Variants in CAPN2 observed in about 807,000 individuals in gnomAD.
CAPN2 encodes calpain-2 catalytic subunit.
In CAPN2, 92 loss-of-function variants were observed where a neutral mutation model predicts 102.3. The observed-to-expected ratio is 0.90, with a 90% CI of 0.76 to 1.07. CAPN2 has a LOEUF of 1.07. CAPN2 is among the 50% of genes least tolerant of loss of function. CAPN2 has a pLI of 0.00. For missense variants in CAPN2, 800 were observed against 909.4 expected (o/e 0.88, Z 1.55); for synonymous variants, 340 against 355.4 (o/e 0.96, Z 0.49).
At chr1:223,719,831 T>TGTGTGTGTGTGTGTGCGC (rs1491465648) in intron 2 of CAPN2, among the ~76,000 whole-genome samples, 1 of 96,690 alleles carries the variant, frequency 1.0e-5, no homozygotes, top group South Asian at 3.6e-4. Flanking sequence ...TGTGTGTGTG[T>TGTGTGTGTGTGTGTGCGC]GCGCGCGCGC....
At chr1:223,774,685 G>T in intron 20 of CAPN2, 149 bp from the exon 21 acceptor site, 1 of 676,118 alleles carries the variant, frequency 1.5e-6, no homozygotes. Flanking sequence ...CTAGAAATCA[G>T]GTAAGAAAAA....
chr1:223,771,550 A>C (rs1661470334), intron 18 of CAPN2: 1 of 423,786 alleles, frequency 2.4e-6, no homozygotes, highest in Non-Finnish European at 4.2e-6. Context: ...AACTGTGACC[A>C]TGAGAACAGA....
rs60366533 is a variant in CAPN2 at position 223,746,475 on chromosome 1, C to CTTTTTTTTTTTTTTTTT, written c.561-517_561-501dup. Among the ~76,000 whole-genome samples, 10 of 108,462 alleles carry CTTTTTTTTTTTTTTTTT rather than the reference C, an allele frequency of 9.2e-5. 1 individual carries two copies. Among genetic ancestry groups the CTTTTTTTTTTTTTTTTT allele is most frequent in the African/African-American group, 4.0e-4 (9 of 22,592 alleles). 71.2% of individuals were successfully genotyped at this position (108,462 alleles called of 152,430 possible). ...TCCGACTCTAAGGTTCTACGAGAAT[C>CTTTTTTTTTTTTTTTTT]TTTTTTTTTTTTTTTTTTTTTAATA... On this transcript the variant is annotated intron_variant, in intron 4 of 20. Coordinates refer to ENST00000295006, the MANE Select transcript of CAPN2 (RefSeq NM_001748.5).
At position 223,727,825 on chromosome 1, in the gene CAPN2, C is replaced by T. The variant is rs1022220197; in HGVS notation, c.307+9994C>T. On this transcript the variant is annotated intron_variant, in intron 2 of 20. Transcript: ENST00000295006. The surrounding 1 kb of genome is among the most constrained non-coding windows in gnomAD (Gnocchi z 4.1). ...CAAAGGAGGAGAAGGGCCCTCCCTG[C>T]TTCTTGGAGAATGGTTCCACTGGCA... 4.6e-5 allele frequency among the ~76,000 whole-genome samples: 7 copies of T among 152,168 alleles called. No homozygotes were observed. Among genetic ancestry groups the T allele is most frequent in the African/African-American group, 1.7e-4 (7 of 41,422 alleles).
intron 4 of CAPN2, 43 bp from the exon 5 acceptor site, chr1:223,746,954 A>G (rs1338238502): frequency 6.4e-7 from 1 of 1,561,846 alleles, no homozygotes; most frequent in Non-Finnish European, 8.8e-7. Context: ...TTATAGCATC[A>G]GTAGTGTCAA....
intron 1 of CAPN2, among the ~76,000 whole-genome samples, chr1:223,706,548 G>A (rs1659610367): frequency 6.6e-6 from 1 of 152,126 alleles, no homozygotes; most frequent in African/African-American, 2.4e-5. Context: ...CACTGGGTAT[G>A]GACAGACCCC....
At chr1:223,716,557 C>A (rs563125546) in intron 1 of CAPN2, among the ~76,000 whole-genome samples, 5 of 152,014 alleles carry the variant, frequency 3.3e-5, no homozygotes, top group Admixed American at 1.3e-4. Context: ...CTCCCACAAT[C>A]TGAGCTAGAA....
intron 2 of CAPN2, 24 bp from the exon 3 acceptor site, chr1:223,744,076 G>A (rs1222589137): frequency 6.7e-7 from 1 of 1,495,308 alleles, no homozygotes; most frequent in East Asian, 2.3e-5. Flanking sequence ...CCTCTGATAA[G>A]AGCTCCTTGT....
At position 223,744,159 on chromosome 1, in the gene CAPN2, C is replaced by T. The variant is rs754663998; in HGVS notation, c.367C>T (p.Arg123Ter). 3.7e-6 allele frequency: 6 copies of T among 1,613,998 alleles called. No homozygotes were observed. The highest frequency in any genetic ancestry group is 3.3e-5 in the South Asian group (3 of 91,086). ...CACCTTGAATGAAGAAATCCTGGCT[C>T]GAGTCGTCCCCCTAAACCAGAGCTT... ...SLTLNEEILA[R>*]VVPLNQSFQE... The change falls in exon 3 of 21, where the codon CGA (arginine) becomes TGA (stop). Residue 123 changes from arginine to a stop codon, truncating the protein, a stop_gained. Transcript: ENST00000295006. LOFTEE classifies it high-confidence loss of function.
At chr1:223,772,114 GAA>G (rs1558080818) in intron 19 of CAPN2, 65 bp from the exon 20 acceptor site, 6 of 1,474,724 alleles carry the variant, frequency 4.1e-6, no homozygotes, top group South Asian at 1.1e-5. Flanking sequence ...TTGCTGAACT[GAA>G]AAGAGGATAA....
chr1:223,767,776 CA>C (rs1661374610), intron 16 of CAPN2, among the ~76,000 whole-genome samples: 1 of 147,874 alleles, frequency 6.8e-6, no homozygotes, highest in Non-Finnish European at 1.5e-5. Flanking sequence ...CTGACTTCCA[CA>C]ATGGTTGAAC....
At position 223,726,309 on chromosome 1, in the gene CAPN2, T is replaced by G. The variant is rs964089167; in HGVS notation, c.307+8478T>G. Among the ~76,000 whole-genome samples, 1 of 151,752 alleles carries G rather than the reference T, an allele frequency of 6.6e-6. No individual in the cohort carries two copies. The highest frequency in any genetic ancestry group is 6.6e-5 in the Admixed American group (1 of 15,220). On this transcript the variant is annotated intron_variant, in intron 2 of 20. Transcript: ENST00000295006. This position sits in a 1 kb window ranked among gnomAD's most constrained non-coding sequence, Gnocchi z 4.4. ...AGAGCAGGGATGGGGAGGAAGAGGGTGGGTTTGCCTGCGCCTGGGGGGAGG... is the reference window on the plus strand; with the variant it reads ...AGAGCAGGGATGGGGAGGAAGAGGGGGGGTTTGCCTGCGCCTGGGGGGAGG...
At chr1:223,769,818 G>T in intron 16 of CAPN2, 23 bp from the exon 17 acceptor site, 1 of 1,595,866 alleles carries the variant, frequency 6.3e-7, no homozygotes, top group African/African-American at 1.3e-5. Flanking sequence ...CCACACTCAA[G>T]GGCTTTCCTT....
At position 223,764,089 on chromosome 1, in the gene CAPN2, C is replaced by T; in HGVS notation, c.1633-61C>T. 9.0e-6 allele frequency: 12 copies of T among 1,340,684 alleles called. No homozygotes were observed. The South Asian group carries it at 1.4e-4, about 16-fold the overall frequency. The allele number at this position is 1,340,684 out of a possible 1,614,324, so 83.0% of individuals were successfully genotyped here. A position where few individuals can be genotyped will look rare whatever the true frequency, so the allele number is the denominator to read the frequency against. On this transcript the variant is annotated intron_variant, in intron 14 of 20. Transcript: ENST00000295006. The stretch of plus-strand genomic sequence containing the variant: ...GCCTACCTAATGCACTGGTGTCCTG[C>T]CCTGTGCTCATCCAGCTCCCACGGG...
At chr1:223,742,544 G>T (rs1313028659) in intron 2 of CAPN2, among the ~76,000 whole-genome samples, 2 of 139,554 alleles carry the variant, frequency 1.4e-5, no homozygotes, top group Admixed American at 1.4e-4. Context: ...TTGAGACAGG[G>T]TCTTGCTCTT....
In CAPN2 at chr1:223,772,171, C is replaced by T; in HGVS notation, c.2021-10C>T. ...CTCACTTGTGACACCCTCTTTTTCT[C>T]CCTCCACAGAGATATTTAAGCAGCT... On this transcript the variant is annotated splice_polypyrimidine_tract_variant and intron_variant, in intron 19 of 20. Transcript: ENST00000295006. 1 of 1,613,578 alleles carries T rather than the reference C, an allele frequency of 6.2e-7. No homozygotes were observed.
upstream of CAPN2, among the ~76,000 whole-genome samples, chr1:223,709,974 A>AC (rs1659696287): frequency 6.6e-6 from 1 of 152,158 alleles, no homozygotes; most frequent in South Asian, 2.1e-4. Flanking sequence ...GTTATAAAAT[A>AC]ACTCAAAAAC....
intron 5 of CAPN2, 73 bp from the exon 6 acceptor site, chr1:223,748,966 G>A (rs889425762): frequency 3.6e-6 from 5 of 1,403,424 alleles, no homozygotes; most frequent in Admixed American, 1.7e-5. Context: ...CCGGCAGTAG[G>A]ACAGAGGGAG....
upstream of CAPN2, chr1:223,712,521 C>T (rs1476207270): frequency 1.6e-5 from 19 of 1,219,926 alleles, no homozygotes; most frequent in Non-Finnish European, 1.9e-5. Flanking sequence ...AATCATCGCT[C>T]GCAGCGGCGG....
Sources: gnomAD v4.1 joint callset for allele counts (sites outside exome capture counted in the v4.1 genomes callset) on GRCh38, gnomAD v4.1.1 for gene constraint, Gnocchi (gnomAD v3.1) non-coding constraint, MANE v1.5 for transcripts, NCBI Gene and HGNC (gene_info 2026-07-23, HGNC 2026-07-21) for gene names.